The following MLH3 variants were observed in gnomAD, a reference collection of about 807,000 sequenced individuals.
The protein encoded by MLH3 is DNA mismatch repair protein Mlh3.
In MLH3, 82 loss-of-function variants were observed where a neutral mutation model predicts 122.2. That is an observed-to-expected ratio of 0.67 (90% CI 0.56 to 0.81). The LOEUF is 0.81. Among genes scored for constraint, MLH3 ranks in the 30% least tolerant of loss-of-function variants. The probability of loss-of-function intolerance (pLI) is 0.00; values close to 1 mark genes in which losing one functional copy is unlikely to be tolerated. For synonymous variants in MLH3, 524 were observed against 599.5 expected (o/e 0.87, Z 1.84); for missense variants, 1,539 against 1,714.5 (o/e 0.90, Z 1.81).
chr14:75,031,582 G>A (rs1305392495), intron 8 of MLH3, among the ~76,000 whole-genome samples: 1 of 152,258 alleles, frequency 6.6e-6, no homozygotes, highest in Non-Finnish European at 1.5e-5. Context: ...GGAGGCCAAA[G>A]TGGGAGGATC....
At chr14:75,018,572 A>G (rs547545654) in intron 12 of MLH3, among the ~76,000 whole-genome samples, 19 of 152,372 alleles carry the variant, frequency 1.2e-4, no homozygotes, top group African/African-American at 4.6e-4. Context: ...TATTCAGGGT[A>G]CATAAGTCTG....
At chr14:75,033,559 A>G in intron 6 of MLH3, 69 bp from the exon 7 acceptor site, 1 of 1,181,982 alleles carries the variant, frequency 8.5e-7, no homozygotes, top group Non-Finnish European at 1.3e-6. Flanking sequence ...TGTTGAGGAC[A>G]GAGAAGACTT....
chr14:75,030,007 AG>A (rs1012379542), intron 9 of MLH3, among the ~76,000 whole-genome samples: 29 of 151,360 alleles, frequency 1.9e-4, no homozygotes, highest in African/African-American at 6.3e-4. Flanking sequence ...GGAAAAAATT[AG>A]CCAGGCATGG....
At chr14:75,028,390 C>A (rs1890796836) in intron 9 of MLH3, among the ~76,000 whole-genome samples, 1 of 151,388 alleles carries the variant, frequency 6.6e-6, no homozygotes, top group African/African-American at 2.4e-5. Flanking sequence ...GTCAAAGATC[C>A]AAGTATAACT....
chr14:75,030,429 C>A, intron 9 of MLH3, 114 bp downstream of exon 9: 1 of 1,061,260 alleles, frequency 9.4e-7, no homozygotes, highest in Non-Finnish European at 1.5e-6. Flanking sequence ...TGGCACACCG[C>A]AGGTAAATAC....
chr14:75,045,417 T>A (rs577769359), intron 2 of MLH3, among the ~76,000 whole-genome samples: 1 of 152,366 alleles, frequency 6.6e-6, no homozygotes, highest in East Asian at 1.9e-4. Flanking sequence ...ATATGCATTA[T>A]AATAAAGTAC....
At position 75,033,110 on chromosome 14, in the gene MLH3, G is replaced by A. The variant is rs559611514; in HGVS notation, c.3715+309C>T. The stretch of plus-strand genomic sequence containing the variant: ...TGTGGGAAGGCATGCCAAGATCACC[G>A]GGCATATGGAGGGGCAGAGCTTTGT... On this transcript the variant is annotated intron_variant, in intron 7 of 12. Coordinates refer to ENST00000355774, the MANE Select transcript of MLH3 (RefSeq NM_001040108.2). 4.8e-4 allele frequency among the ~76,000 whole-genome samples: 73 copies of A among 152,084 alleles called. 1 individual carries two copies. The South Asian group carries it at 0.014, about 29-fold the overall frequency.
Position 75,042,218 on chromosome 14 carries a change from C to T in MLH3, c.3379+161G>A, listed in dbSNP as rs28757010. Among the ~76,000 whole-genome samples, 93 of 152,330 alleles carry T rather than the reference C, an allele frequency of 6.1e-4. 2 individuals are homozygous for T. In the East Asian group the frequency reaches 0.015, roughly 24 times the overall value. On this transcript the variant is annotated intron_variant, in intron 3 of 12. Coordinates refer to ENST00000355774, the MANE Select transcript of MLH3 (RefSeq NM_001040108.2). ...AAGTAATTTCTGACCTAAATGCATG[C>T]GCTGAATTAATTAGTTCCGCTGTTA...
chr14:75,028,458 C>G (rs1337952826), intron 9 of MLH3, among the ~76,000 whole-genome samples: 2 of 145,692 alleles, frequency 1.4e-5, no homozygotes, highest in Non-Finnish European at 3.0e-5. Context: ...TACTGTGTCA[C>G]TCAGGCTGGA....
At position 75,047,731 on chromosome 14, in the gene MLH3, A is replaced by C. The variant is rs777245092; in HGVS notation, c.1925T>G (p.Phe642Cys). 6.2e-7 allele frequency: 1 copy of C among 1,614,098 alleles called. No homozygotes were observed. The highest frequency in any genetic ancestry group is 8.5e-7 in the Non-Finnish European group (1 of 1,180,002). ...AACTGAATGACGTGTTCTATTTCCA[A>C]ATGTTTCTTGGGCACGTGTGGGACC... ...RPGPTRAQETFGNRTRHSVET... is the reference protein window; with the variant it reads ...RPGPTRAQETCGNRTRHSVET... Residue 642 changes from phenylalanine to cysteine, a missense_variant, in exon 2 of 13, where the codon TTT (phenylalanine) becomes TGT (cysteine). Transcript: ENST00000355774.
chr14:75,018,733 G>A, intron 12 of MLH3, 96 bp downstream of exon 12: 1 of 1,418,814 alleles, frequency 7.0e-7, no homozygotes, highest in East Asian at 2.3e-5. Flanking sequence ...TCCTATTTTG[G>A]AAAGGTTAAG....
intron 12 of MLH3, among the ~76,000 whole-genome samples, chr14:75,017,540 CA>C (rs569623498): frequency 0.014 from 1,936 of 139,018 alleles, 22 homozygotes; most frequent in South Asian, 0.03. Context: ...GACTCCGTCT[CA>C]AAAAAAAAAA....
chr14:75,027,678 A>C lies in MLH3; in HGVS notation c.3987+2865T>G, dbSNP rs1291677103. On this transcript the variant is annotated intron_variant, in intron 9 of 12. Transcript: ENST00000355774. The stretch of plus-strand genomic sequence containing the variant: ...ATTTACTTCAGTAAAAAAAAAAAAA[A>C]AAAAAAAAAAAAAAAACCCAAAAGA... Among the ~76,000 whole-genome samples the C allele has an allele frequency of 2.1e-3, 142 of 66,230 alleles. 3 individuals are homozygous for C. The highest frequency in any genetic ancestry group is 7.5e-3 in the African/African-American group (132 of 17,636). 43.4% of individuals were successfully genotyped at this position (66,230 alleles called of 152,430 possible). A position where few individuals can be genotyped will look rare whatever the true frequency, so the allele number is the denominator to read the frequency against.
chr14:75,032,031 G>A, intron 8 of MLH3, 37 bp downstream of exon 8: 1 of 1,192,840 alleles, frequency 8.4e-7, no homozygotes, highest in Non-Finnish European at 1.3e-6. Flanking sequence ...TGTGAGAATT[G>A]ATACCATCAA....
At chr14:75,036,883 C>T in intron 6 of MLH3, 1 of 410,414 alleles carries the variant, frequency 2.4e-6, no homozygotes, top group Non-Finnish European at 4.9e-6. Flanking sequence ...CCCATCTAAC[C>T]ATGTCTCAGA....
intron 1 of MLH3, among the ~76,000 whole-genome samples, chr14:75,050,615 G>A (rs1892592163): frequency 6.6e-6 from 1 of 152,114 alleles, no homozygotes; most frequent in African/African-American, 2.4e-5. Flanking sequence ...AACCAGCCTG[G>A]TCTCGAACTC....
chr14:75,025,055 C>T (rs1398051432), intron 9 of MLH3, among the ~76,000 whole-genome samples: 1 of 152,228 alleles, frequency 6.6e-6, no homozygotes, highest in Non-Finnish European at 1.5e-5. Context: ...CAAGAGCTGA[C>T]TGACAGCTGC....
In MLH3 at chr14:75,036,864, C is replaced by T. The variant is rs1595063009; in HGVS notation, c.3643+1476G>A. 5.6e-5 allele frequency: 24 copies of T among 430,758 alleles called. 1 individual carries two copies. The highest frequency in any genetic ancestry group is 4.0e-4 in the South Asian group (24 of 59,724). The allele number at this position is 430,758 out of a possible 1,614,324, so 26.7% of individuals were successfully genotyped here. A position where few individuals can be genotyped will look rare whatever the true frequency, so the allele number is the denominator to read the frequency against. ...CCAATACATTCACTGCTCTCTAGTC[C>T]ACCCTGGTCCCATCTAACCATGTCT... On this transcript the variant is annotated intron_variant, in intron 6 of 12. Coordinates refer to ENST00000355774, the MANE Select transcript of MLH3 (RefSeq NM_001040108.2).
At chr14:75,024,929 A>AG (rs1890532065) in intron 9 of MLH3, among the ~76,000 whole-genome samples, 1 of 152,228 alleles carries the variant, frequency 6.6e-6, no homozygotes, top group Non-Finnish European at 1.5e-5. Flanking sequence ...AATTTGGAGC[A>AG]GGGGTCTTAG....
Sources: allele counts gnomAD v4.1 joint callset (sites outside exome capture counted in the v4.1 genomes callset), GRCh38; gene constraint gnomAD v4.1.1; transcripts MANE v1.5; gene names NCBI Gene and HGNC (gene_info 2026-07-23, HGNC 2026-07-21).